TLE1: variants seen among roughly 807,000 people sequenced by gnomAD.
TLE1 encodes transducin-like enhancer protein 1.
A neutral mutation model predicts 89.8 loss-of-function variants in TLE1; 21 were observed. The ratio of observed to expected loss-of-function variants is 0.23; its 90% confidence interval spans 0.17 to 0.34. The LOEUF (loss-of-function observed/expected upper bound fraction) is 0.34. TLE1 is among the 10% of genes least tolerant of loss of function. TLE1 has a pLI of 1.00. For synonymous variants in TLE1, 447 were observed against 407.6 expected (o/e 1.10, Z -1.16); for missense variants, 795 against 1,031.2 (o/e 0.77, Z 3.14).
At chr9:81,661,108 G>C (rs1236962209) in intron 4 of TLE1, among the ~76,000 whole-genome samples, 3 of 150,772 alleles carry the variant, frequency 2.0e-5, no homozygotes, top group Admixed American at 2.0e-4. Context: ...GCCTGGCAGA[G>C]TGAGACTCGG....
At chr9:81,614,352 G>A (rs2132094862) in intron 11 of TLE1, among the ~76,000 whole-genome samples, 1 of 152,304 alleles carries the variant, frequency 6.6e-6, no homozygotes, top group Admixed American at 6.5e-5. Context: ...TTGGAGTTAA[G>A]AGTCACTGCC....
At chr9:81,625,088 T>C (rs937531915) in intron 8 of TLE1, among the ~76,000 whole-genome samples, 2 of 152,150 alleles carry the variant, frequency 1.3e-5, no homozygotes, top group Non-Finnish European at 2.9e-5. Context: ...AGAACTGGCA[T>C]AACTTTTATA....
In TLE1 at chr9:81,585,525, G is replaced by A; in HGVS notation, c.2108C>T (p.Ser703Phe). The change falls in exon 18 of 20, where the codon TCC (serine) becomes TTC (phenylalanine). Residue 703 changes from serine (S) to phenylalanine (F), a missense_variant. By Grantham distance (155) the Ser-to-Phe change is radical. Coordinates refer to ENST00000376499, the MANE Select transcript of TLE1 (RefSeq NM_005077.5). Reference protein sequence around the residue: ...QLHLHESCVLSLKFAYCGKWF... With the variant: ...QLHLHESCVLFLKFAYCGKWF... ...CTCACCACAGTAAGCAAATTTCAGGGACAGCACGCAGCTCTCATGCAGGTG... is the reference window on the plus strand; with the variant it reads ...CTCACCACAGTAAGCAAATTTCAGGAACAGCACGCAGCTCTCATGCAGGTG... 1 of 1,613,738 alleles carries A rather than the reference G, an allele frequency of 6.2e-7. No homozygotes were observed. The highest frequency in any genetic ancestry group is 8.5e-7 in the Non-Finnish European group (1 of 1,179,926).
chr9:81,643,534 C>T (rs1047750064), intron 6 of TLE1, among the ~76,000 whole-genome samples: 4 of 152,042 alleles, frequency 2.6e-5, no homozygotes, highest in East Asian at 3.9e-4. Context: ...CCGCACCCAG[C>T]CCTTTGTTTT....
intron 4 of TLE1, among the ~76,000 whole-genome samples, chr9:81,657,354 T>G (rs570143764): frequency 6.6e-6 from 1 of 152,342 alleles, no homozygotes; most frequent in African/African-American, 2.4e-5. Flanking sequence ...AGGTAAAGAT[T>G]AGAACACATC....
At chr9:81,613,275 AT>A (rs1275358125) in intron 12 of TLE1, 101 bp downstream of exon 12, 2 of 1,497,490 alleles carry the variant, frequency 1.3e-6, no homozygotes, top group Admixed American at 4.5e-5. Context: ...CCCTACGTAC[AT>A]TTCATATTTG....
intron 4 of TLE1, among the ~76,000 whole-genome samples, chr9:81,657,988 C>T (rs1830346429): frequency 6.7e-6 from 1 of 149,806 alleles, no homozygotes; most frequent in African/African-American, 2.5e-5. Context: ...TGGCTCACTG[C>T]AACCTCCACC....
chr9:81,600,153 G>C (rs1587909311), intron 14 of TLE1: 1 of 716,080 alleles, frequency 1.4e-6, no homozygotes, highest in South Asian at 1.5e-5. Context: ...GAAATTCTTG[G>C]ATGGAAAGTA....
intron 14 of TLE1, among the ~76,000 whole-genome samples, chr9:81,609,786 C>G (rs942378888): frequency 6.6e-6 from 1 of 152,182 alleles, no homozygotes; most frequent in Non-Finnish European, 1.5e-5. Context: ...TGGCACAGAG[C>G]TGAGTAAAGA....
chr9:81,686,441 T>C (rs1015156722), intron 2 of TLE1, among the ~76,000 whole-genome samples: 17 of 152,176 alleles, frequency 1.1e-4, no homozygotes, highest in African/African-American at 2.4e-4. Context: ...GTAAACACGG[T>C]GTGTGCAAGT....
intron 4 of TLE1, among the ~76,000 whole-genome samples, chr9:81,660,978 C>CACACACACACACACACACACACACA (rs140689682): frequency 1.6e-5 from 2 of 121,758 alleles, no homozygotes; most frequent in African/African-American, 3.0e-5. Flanking sequence ...CACACACACA[C>CACACACACACACACACACACACACA]ATTTAGCCTG....
intron 14 of TLE1, among the ~76,000 whole-genome samples, chr9:81,594,543 T>TA (rs35168314): frequency 5.8e-4 from 85 of 145,874 alleles, no homozygotes; most frequent in Admixed American, 8.9e-4. Flanking sequence ...GACTACGTCT[T>TA]AAAAAAAAAA....
At chr9:81,646,096 C>G (rs1191658282) in intron 6 of TLE1, among the ~76,000 whole-genome samples, 3 of 152,104 alleles carry the variant, frequency 2.0e-5, no homozygotes, top group Non-Finnish European at 4.4e-5. Context: ...ACCTGCACAT[C>G]CTATACATGT....
At chr9:81,685,626 ATC>A (rs1834167778) in intron 4 of TLE1, 48 bp downstream of exon 4, 1 of 1,587,808 alleles carries the variant, frequency 6.3e-7, no homozygotes, top group Admixed American at 1.7e-5. Context: ...GTATTATTAA[ATC>A]ATATGAACTG....
At chr9:81,622,826 G>A (rs1450266480) in intron 8 of TLE1, among the ~76,000 whole-genome samples, 1 of 152,042 alleles carries the variant, frequency 6.6e-6, no homozygotes, top group Non-Finnish European at 1.5e-5. Context: ...TCAAAACAAG[G>A]CAGCAGAGTG....
At chr9:81,670,019 T>G (rs1832012375) in intron 4 of TLE1, among the ~76,000 whole-genome samples, 1 of 152,212 alleles carries the variant, frequency 6.6e-6, no homozygotes, top group Non-Finnish European at 1.5e-5. Flanking sequence ...TTTTATTGCT[T>G]AAAATTTAAT....
At chr9:81,647,374 C>G (rs1456855979) in intron 6 of TLE1, among the ~76,000 whole-genome samples, 4 of 152,172 alleles carry the variant, frequency 2.6e-5, no homozygotes, top group South Asian at 2.1e-4. Flanking sequence ...CCATCTGTTC[C>G]CCAAACTTAA....
At chr9:81,677,029 G>A (rs1260596939) in intron 4 of TLE1, among the ~76,000 whole-genome samples, 4 of 152,208 alleles carry the variant, frequency 2.6e-5, no homozygotes, top group South Asian at 4.1e-4. Flanking sequence ...TTGAGGCCAG[G>A]AGTTCAAGAC....
At chr9:81,680,694 CAG>C (rs1480163075) in intron 4 of TLE1, among the ~76,000 whole-genome samples, 2 of 152,018 alleles carry the variant, frequency 1.3e-5, no homozygotes, top group African/African-American at 4.8e-5. Flanking sequence ...GCTCTAAATG[CAG>C]AGAGCTTTCT....
Sources: allele counts gnomAD v4.1 joint callset (sites outside exome capture counted in the v4.1 genomes callset), GRCh38; gene constraint gnomAD v4.1.1; transcripts MANE v1.5; gene names NCBI Gene and HGNC (gene_info 2026-07-23, HGNC 2026-07-21).